ARHGAP25: variants seen among roughly 807,000 people sequenced by gnomAD.
The protein encoded by ARHGAP25 is rho GTPase-activating protein 25.
ARHGAP25 carries 34 observed loss-of-function variants against 71.0 expected under a neutral mutation model. That is an observed-to-expected ratio of 0.48 (90% CI 0.36 to 0.64). ARHGAP25 has a LOEUF of 0.64. ARHGAP25 is among the 30% of genes least tolerant of loss of function. ARHGAP25 has a pLI of 0.00. For missense variants in ARHGAP25, 706 were observed against 805.1 expected, an observed-to-expected ratio of 0.88 and a Z score of 1.49; for synonymous variants, 282 against 296.5, an observed-to-expected ratio of 0.95 and a Z score of 0.50.
chr2:68,718,547 G>GTGTC (rs1553391181), intron 2 of ARHGAP25, among the ~76,000 whole-genome samples: 1 of 151,648 alleles, frequency 6.6e-6, no homozygotes, highest in South Asian at 2.1e-4. Context: ...GTGTGTGTGT[G>GTGTC]TGTATGTATA....
intron 3 of ARHGAP25, among the ~76,000 whole-genome samples, chr2:68,786,010 C>T (rs949671768): frequency 6.6e-6 from 1 of 152,160 alleles, no homozygotes; most frequent in African/African-American, 2.4e-5. Flanking sequence ...CCTTTCAAAC[C>T]CCCTTTGGTT....
At chr2:68,714,552 C>T (rs1041257890) in intron 2 of ARHGAP25, among the ~76,000 whole-genome samples, 2 of 152,154 alleles carry the variant, frequency 1.3e-5, no homozygotes, top group African/African-American at 4.8e-5. Flanking sequence ...TCTTGCTTCT[C>T]TAGTTCTTTT....
chr2:68,824,729 G>A (rs576934985), intron 10 of ARHGAP25, among the ~76,000 whole-genome samples: 23 of 151,780 alleles, frequency 1.5e-4, no homozygotes, highest in Non-Finnish European at 2.1e-4. Flanking sequence ...GCAACAGAGC[G>A]AGACTCCGTC....
At chr2:68,752,756 C>G (rs1676250740) in intron 1 of ARHGAP25, among the ~76,000 whole-genome samples, 1 of 151,994 alleles carries the variant, frequency 6.6e-6, no homozygotes, top group African/African-American at 2.4e-5. Flanking sequence ...TGCTTGATTT[C>G]TACTCTTCCT....
chr2:68,813,552 A>G, intron 6 of ARHGAP25, 133 bp downstream of exon 6: 4 of 987,650 alleles, frequency 4.1e-6, no homozygotes, highest in Admixed American at 3.0e-5. Flanking sequence ...TTCCTCAGCA[A>G]CAAAAGGTAT....
chr2:68,781,385 G>A (rs935357638), intron 2 of ARHGAP25, among the ~76,000 whole-genome samples: 4 of 151,276 alleles, frequency 2.6e-5, no homozygotes, highest in African/African-American at 4.9e-5. Flanking sequence ...GCGAGACTCC[G>A]TCTCAAAAAG....
intron 10 of ARHGAP25, among the ~76,000 whole-genome samples, chr2:68,825,551 G>A (rs1357652119): frequency 1.3e-5 from 2 of 152,038 alleles, no homozygotes; most frequent in East Asian, 3.9e-4. Context: ...GGATCACGAG[G>A]TCAGGAGATC....
intron 2 of ARHGAP25, among the ~76,000 whole-genome samples, chr2:68,725,253 T>A (rs546520696): frequency 9.2e-5 from 14 of 152,274 alleles, no homozygotes; most frequent in Admixed American, 1.3e-4. Flanking sequence ...GTCTCCGCTT[T>A]TACCCTTGCC....
chr2:68,742,036 G>A (rs1675543262), intron 1 of ARHGAP25, among the ~76,000 whole-genome samples: 1 of 152,166 alleles, frequency 6.6e-6, no homozygotes, highest in African/African-American at 2.4e-5. Context: ...TAAAAGTGAT[G>A]CTCAACTTTG....
chr2:68,722,784 A>G (rs143064750), intron 2 of ARHGAP25, among the ~76,000 whole-genome samples: 106 of 152,162 alleles, frequency 7.0e-4, no homozygotes, highest in African/African-American at 2.3e-3. Flanking sequence ...TTCCCCATCA[A>G]GCTGGGCACA....
chr2:68,821,906 GTTTTT>G (rs59964574), intron 9 of ARHGAP25, among the ~76,000 whole-genome samples: 19 of 81,634 alleles, frequency 2.3e-4, no homozygotes, highest in African/African-American at 8.2e-4. Flanking sequence ...CTTTTTGCTA[GTTTTT>G]TTTTTTTTTT....
chr2:68,789,725 G>A (rs535567472), intron 4 of ARHGAP25, among the ~76,000 whole-genome samples: 11 of 152,310 alleles, frequency 7.2e-5, no homozygotes, highest in Non-Finnish European at 1.3e-4. Context: ...CCTGCTCTCT[G>A]AGTCAAAATG....
At chr2:68,777,893 C>T (rs953677445) in intron 2 of ARHGAP25, among the ~76,000 whole-genome samples, 4 of 151,892 alleles carry the variant, frequency 2.6e-5, no homozygotes, top group Non-Finnish European at 5.9e-5. Flanking sequence ...TTCAGCCTTC[C>T]CTATACATAT....
At chr2:68,748,232 T>C (rs1363046898) in intron 1 of ARHGAP25, among the ~76,000 whole-genome samples, 39 of 152,176 alleles carry the variant, frequency 2.6e-4, no homozygotes, top group Admixed American at 2.6e-3. Flanking sequence ...CTGTCTGCTG[T>C]TCTCCCTGAA....
At chr2:68,795,508 T>C (rs1001192284) in intron 4 of ARHGAP25, among the ~76,000 whole-genome samples, 1 of 152,222 alleles carries the variant, frequency 6.6e-6, no homozygotes. Flanking sequence ...TCTATCTTAA[T>C]TTCTTCATTG....
At chr2:68,823,050 A>G (rs1044603243) in intron 10 of ARHGAP25, among the ~76,000 whole-genome samples, 178 bp downstream of exon 10, 3 of 152,238 alleles carry the variant, frequency 2.0e-5, no homozygotes, top group African/African-American at 7.2e-5. Context: ...AAATTGGTGA[A>G]CACTCTAAAC....
At position 68,787,911 on chromosome 2, in the gene ARHGAP25, G is replaced by A; in HGVS notation, c.421G>A (p.Glu141Lys). Residue 141 changes from glutamate to lysine, a missense_variant, in exon 4 of 11, where the codon GAG (glutamate) becomes AAG (lysine). Transcript: ENST00000409202. ...LMASSQAEME[E>K]WVKFLRRVAG... ...GGCCAGCTCTCAGGCGGAGATGGAG[G>A]AGTGGGTTAAATTCCTCAGGAGAGT... The A allele has an allele frequency of 6.2e-7, 1 of 1,614,242 alleles. No homozygotes were observed. Among genetic ancestry groups the A allele is most frequent in the East Asian group, 2.2e-5 (1 of 44,886 alleles).
chr2:68,777,922 A>G (rs1313600830), intron 2 of ARHGAP25, among the ~76,000 whole-genome samples: 2 of 152,134 alleles, frequency 1.3e-5, no homozygotes, highest in Non-Finnish European at 2.9e-5. Context: ...GAACTCATCT[A>G]TTGTAAATGC....
intron 1 of ARHGAP25, among the ~76,000 whole-genome samples, chr2:68,753,934 G>T (rs1477796847): frequency 4.1e-5 from 6 of 144,700 alleles, no homozygotes; most frequent in Non-Finnish European, 9.0e-5. Context: ...ATGGAGTCTC[G>T]CTCTGTCACC....
Sources: allele counts gnomAD v4.1 joint callset (sites outside exome capture counted in the v4.1 genomes callset), GRCh38; gene constraint gnomAD v4.1.1; transcripts MANE v1.5; gene names NCBI Gene and HGNC (gene_info 2026-07-23, HGNC 2026-07-21).